ARHGAP26: variants seen among roughly 807,000 people sequenced by gnomAD.
ARHGAP26 encodes Rho GTPase activating protein 26, also known as rho GTPase-activating protein 26.
In ARHGAP26, 38 loss-of-function variants were observed where a neutral mutation model predicts 104.8. The observed-to-expected ratio is 0.36, with a 90% CI of 0.28 to 0.48. The LOEUF (loss-of-function observed/expected upper bound fraction) is 0.48. Ranked by LOEUF, ARHGAP26 falls within the 20% of genes least tolerant of loss-of-function variation. The probability of loss-of-function intolerance (pLI) is 0.99; values close to 1 mark genes in which losing one functional copy is unlikely to be tolerated. For synonymous variants in ARHGAP26, 341 were observed against 340.0 expected (o/e 1.00, Z -0.03); for missense variants, 704 against 947.9 (o/e 0.74, Z 3.38).
In ARHGAP26 at chr5:143,148,505, T is replaced by G. The variant is rs1599237145; in HGVS notation, c.1988+1124T>G. On this transcript the variant is annotated intron_variant, in intron 20 of 22. Coordinates refer to ENST00000645722, the MANE Select transcript of ARHGAP26 (RefSeq NM_001135608.3). ...TATACTGTAGGATGAAATCTGAAAC[T>G]GAGAATATAAGATCTTTTTAGTTGT... 2.0e-5 allele frequency among the ~76,000 whole-genome samples: 3 copies of G among 152,198 alleles called. No homozygotes were observed. In the South Asian group the frequency reaches 6.2e-4, roughly 32 times the overall value.
Position 142,870,246 on chromosome 5 carries a change from G to A in ARHGAP26, c.155-3154G>A, listed in dbSNP as rs56092934. Among the ~76,000 whole-genome samples the A allele has an allele frequency of 2.3e-3, 349 of 152,282 alleles. 2 individuals are homozygous for A. Among genetic ancestry groups the A allele is most frequent in the African/African-American group, 7.8e-3 (322 of 41,548 alleles). On this transcript the variant is annotated intron_variant, in intron 1 of 22. Coordinates refer to ENST00000645722, the MANE Select transcript of ARHGAP26 (RefSeq NM_001135608.3). Reference sequence around the variant, plus strand: ...ATTGGAATGTGTGTGTTAGATTCCTGTGTGCATCAGAGGGAAAGCTCTTGA... The same window carrying A: ...ATTGGAATGTGTGTGTTAGATTCCTATGTGCATCAGAGGGAAAGCTCTTGA...
chr5:142,913,577 T>C (rs1026365347), intron 10 of ARHGAP26, among the ~76,000 whole-genome samples: 12 of 152,228 alleles, frequency 7.9e-5, no homozygotes, highest in African/African-American at 2.9e-4. Context: ...ATTAGTGCTT[T>C]CATGCTCAGA....
chr5:143,040,390 A>T (rs1197138579), intron 13 of ARHGAP26, among the ~76,000 whole-genome samples: 2 of 151,614 alleles, frequency 1.3e-5, no homozygotes, highest in African/African-American at 2.4e-5. Flanking sequence ...TCCTTTCCTG[A>T]GTTTCTTTTG....
At chr5:143,221,478 G>T (rs1359425037) in intron 22 of ARHGAP26, among the ~76,000 whole-genome samples, 2 of 151,860 alleles carry the variant, frequency 1.3e-5, no homozygotes, top group Non-Finnish European at 2.9e-5. Context: ...TAGAAGCAGG[G>T]GGTAAGGATT....
intron 12 of ARHGAP26, among the ~76,000 whole-genome samples, chr5:143,017,740 C>T (rs996594116): frequency 6.6e-6 from 1 of 152,196 alleles, no homozygotes; most frequent in Non-Finnish European, 1.5e-5. Context: ...TTGTGGTACA[C>T]AGCACTTTGT....
At chr5:142,837,006 C>A (rs112902627) in intron 1 of ARHGAP26, among the ~76,000 whole-genome samples, 2,007 of 152,256 alleles carry the variant, frequency 0.013, 55 homozygotes, top group African/African-American at 0.046. Context: ...ATTGATGTGT[C>A]CTTCAGGCAC....
At chr5:143,217,734 G>A (rs1016378089) in intron 22 of ARHGAP26, among the ~76,000 whole-genome samples, 5 of 152,148 alleles carry the variant, frequency 3.3e-5, no homozygotes, top group African/African-American at 4.8e-5. Context: ...TCGCTGCCAC[G>A]CCCAAGCCCA....
intron 1 of ARHGAP26, among the ~76,000 whole-genome samples, chr5:142,852,469 A>G (rs1002465114): frequency 3.9e-5 from 6 of 152,252 alleles, no homozygotes; most frequent in Non-Finnish European, 8.8e-5. Context: ...TAACTCTTAC[A>G]AAATTCAGGG....
intron 20 of ARHGAP26, among the ~76,000 whole-genome samples, chr5:143,162,589 T>C (rs1801402651): frequency 6.6e-6 from 1 of 152,128 alleles, no homozygotes; most frequent in Non-Finnish European, 1.5e-5. Context: ...CTACAAACAT[T>C]TCATTTCATA....
At chr5:143,173,115 A>G (rs1035564433) in intron 20 of ARHGAP26, 1 of 171,878 alleles carries the variant, frequency 5.8e-6, no homozygotes, top group Non-Finnish European at 1.3e-5. Context: ...AGTGGGACCC[A>G]GGGGAGGGAC....
intron 1 of ARHGAP26, among the ~76,000 whole-genome samples, chr5:142,870,041 G>C (rs1755046807): frequency 6.6e-6 from 1 of 152,200 alleles, no homozygotes; most frequent in Non-Finnish European, 1.5e-5. Context: ...ACTCTGGCCA[G>C]CATTCTGCTT....
Position 143,081,751 on chromosome 5 carries a change from C to T in ARHGAP26, c.1538+24004C>T, listed in dbSNP as rs780961936. On this transcript the variant is annotated intron_variant, in intron 17 of 22. Transcript: ENST00000645722. ...AGCTTTTGCTGGGAGCAGTGGCTCA[C>T]GCCTGTAATCCCAGCACTCTGGGAG... is the stretch of plus-strand genomic sequence containing the variant. Among the ~76,000 whole-genome samples, 6 of 152,306 alleles carry T rather than the reference C, an allele frequency of 3.9e-5. No individual in the cohort carries two copies. The South Asian group carries it at 8.3e-4, about 21-fold the overall frequency.
intron 21 of ARHGAP26, among the ~76,000 whole-genome samples, chr5:143,209,335 G>C (rs1562615550): frequency 6.6e-6 from 1 of 152,064 alleles, no homozygotes; most frequent in Non-Finnish European, 1.5e-5. Context: ...ACCTCCCAAA[G>C]TATTTCCAGA....
At chr5:142,924,246 T>G (rs1001384420) in intron 10 of ARHGAP26, among the ~76,000 whole-genome samples, 1 of 151,456 alleles carries the variant, frequency 6.6e-6, no homozygotes, top group Non-Finnish European at 1.5e-5. Flanking sequence ...CCTCCCTCCC[T>G]CCTTCCTTCC....
chr5:142,866,832 C>T (rs557251899), intron 1 of ARHGAP26: 1 of 152,260 alleles, frequency 6.6e-6, no homozygotes, highest in South Asian at 2.1e-4. Flanking sequence ...GGTCGGTGGG[C>T]ACATCATCCG....
chr5:142,930,158 G>A (rs1056358140), intron 10 of ARHGAP26, among the ~76,000 whole-genome samples: 4 of 152,216 alleles, frequency 2.6e-5, no homozygotes, highest in Non-Finnish European at 5.9e-5. Flanking sequence ...CAAAACCGGG[G>A]ACTTGAGAGT....
At chr5:142,868,529 G>A (rs1754726181) in intron 1 of ARHGAP26, among the ~76,000 whole-genome samples, 1 of 152,188 alleles carries the variant, frequency 6.6e-6, no homozygotes, top group Non-Finnish European at 1.5e-5. Context: ...AGGGGTTGCT[G>A]ATAGTGATGG....
intron 17 of ARHGAP26, among the ~76,000 whole-genome samples, chr5:143,113,771 T>G (rs1795060384): frequency 6.6e-6 from 1 of 152,236 alleles, no homozygotes; most frequent in South Asian, 2.1e-4. Context: ...TAGTGATTTG[T>G]GAAGTGAATG....
intron 20 of ARHGAP26, among the ~76,000 whole-genome samples, chr5:143,184,102 C>T (rs1452107633): frequency 6.6e-6 from 1 of 152,158 alleles, no homozygotes; most frequent in Non-Finnish European, 1.5e-5. Flanking sequence ...TGTGCAAATG[C>T]TGACAGTCTG....
Sources: gnomAD v4.1 joint callset for allele counts (sites outside exome capture counted in the v4.1 genomes callset) on GRCh38, gnomAD v4.1.1 for gene constraint, MANE v1.5 for transcripts, NCBI Gene and HGNC (gene_info 2026-07-23, HGNC 2026-07-21) for gene names.